RNF13: variants seen among roughly 807,000 people sequenced by gnomAD.
RNF13 encodes ring finger protein 13.
RNF13 carries 19 observed loss-of-function variants against 37.7 expected under a neutral mutation model. The ratio of observed to expected loss-of-function variants is 0.50; its 90% CI spans 0.35 to 0.74. The LOEUF is 0.74. RNF13 is among the 30% of genes least tolerant of loss of function. The pLI, the probability that RNF13 is intolerant of heterozygous loss-of-function variation, is 0.01. For missense variants in RNF13, 375 were observed against 453.0 expected, an observed-to-expected ratio of 0.83 and a Z score of 1.56; for synonymous variants, 144 against 157.8, an observed-to-expected ratio of 0.91 and a Z score of 0.65.
chr3:149,944,297 T>C (rs1198620383), intron 8 of RNF13, among the ~76,000 whole-genome samples: 2 of 152,252 alleles, frequency 1.3e-5, no homozygotes, highest in African/African-American at 4.8e-5. Context: ...TGTGTCTTTA[T>C]AGCAGCATTA....
chr3:149,895,445 A>AT (rs3856613), intron 4 of RNF13, 28 bp from the exon 5 acceptor site: 93 of 1,102,938 alleles, frequency 8.4e-5, no homozygotes, highest in African/African-American at 1.4e-4. Context: ...TTATAACATA[A>AT]TTTTTTTTTT....
At position 149,872,073 on chromosome 3, in the gene RNF13, A is replaced by G; in HGVS notation, c.240A>G (p.Ile80Met). 1 of 1,607,844 alleles carries G rather than the reference A, an allele frequency of 6.2e-7. No individual in the cohort carries two copies. Among genetic ancestry groups the G allele is most frequent in the African/African-American group, 1.3e-5 (1 of 74,812 alleles). Residue 80 changes from isoleucine to methionine, a missense_variant, in exon 4 of 10, where the codon ATA becomes ATG. Transcript: ENST00000392894. ...AACCAGAGAATGCCTGTGAACCCATAGTGCCTCCACCAGTAAAAGACAATT... is the reference window on the plus strand; with the variant it reads ...AACCAGAGAATGCCTGTGAACCCATGGTGCCTCCACCAGTAAAAGACAATT... The part of the protein sequence containing the change: ...NSKPENACEP[I>M]VPPPVKDNSS...
intron 8 of RNF13, among the ~76,000 whole-genome samples, chr3:149,948,292 T>C (rs1007026292): frequency 6.6e-6 from 1 of 152,200 alleles, no homozygotes; most frequent in Non-Finnish European, 1.5e-5. Flanking sequence ...GTAAGCACTT[T>C]ATTGTTGGAT....
intron 7 of RNF13, among the ~76,000 whole-genome samples, chr3:149,915,657 T>C (rs944531399): frequency 2.0e-5 from 3 of 152,192 alleles, no homozygotes; most frequent in African/African-American, 7.2e-5. Context: ...AATGGAATAT[T>C]ATTCAGTGTT....
At chr3:149,877,472 C>CTTTTTTTTTTTTTTTTTTTTTTGT (rs369676407) in intron 4 of RNF13, among the ~76,000 whole-genome samples, 4 of 101,484 alleles carry the variant, frequency 3.9e-5, no homozygotes, top group Non-Finnish European at 4.1e-5. Context: ...TTCTTTCTGT[C>CTTTTTTTTTTTTTTTTTTTTTTGT]TTTTTTTTTT....
chr3:149,820,254 G>T (rs1719890154), intron 1 of RNF13, among the ~76,000 whole-genome samples: 1 of 150,498 alleles, frequency 6.6e-6, no homozygotes, highest in Non-Finnish European at 1.5e-5. Context: ...GTCTTTTTCT[G>T]TCACCTGGTA....
At chr3:149,843,223 A>G (rs904689374) in intron 1 of RNF13, among the ~76,000 whole-genome samples, 2 of 152,198 alleles carry the variant, frequency 1.3e-5, no homozygotes, top group African/African-American at 4.8e-5. Flanking sequence ...TTGGGTGGAC[A>G]TGTGTAGATT....
chr3:149,940,575 T>C (rs1366923630), intron 8 of RNF13, among the ~76,000 whole-genome samples: 1 of 152,174 alleles, frequency 6.6e-6, no homozygotes, highest in Non-Finnish European at 1.5e-5. Context: ...TTCTTCTCTT[T>C]AAAGAACTTA....
intron 6 of RNF13, among the ~76,000 whole-genome samples, chr3:149,903,257 A>G (rs1241605135): frequency 6.6e-6 from 1 of 152,044 alleles, no homozygotes; most frequent in African/African-American, 2.4e-5. Context: ...TTGCTTGGTT[A>G]AAAGAGAGGA....
intron 8 of RNF13, among the ~76,000 whole-genome samples, chr3:149,928,557 T>G (rs1718873291): frequency 6.6e-6 from 1 of 152,310 alleles, no homozygotes; most frequent in Non-Finnish European, 1.5e-5. Flanking sequence ...TCCCACACTA[T>G]TTTGATTACT....
At chr3:149,916,748 T>G in intron 7 of RNF13, among the ~76,000 whole-genome samples, 1 of 152,100 alleles carries the variant, frequency 6.6e-6, no homozygotes, top group Admixed American at 6.6e-5. Context: ...AATAACCTTA[T>G]ACAGATAAAA....
chr3:149,889,653 A>ATTT (rs945001092), intron 4 of RNF13, among the ~76,000 whole-genome samples: 2 of 126,260 alleles, frequency 1.6e-5, no homozygotes, highest in African/African-American at 5.9e-5. Flanking sequence ...AAATCTGACA[A>ATTT]TTTTTTTTTT....
chr3:149,909,938 A>T (rs543614154), intron 6 of RNF13, among the ~76,000 whole-genome samples: 1 of 115,108 alleles, frequency 8.7e-6, no homozygotes, highest in South Asian at 3.0e-4. Context: ...GAAGTCATAA[A>T]CATAAAAAGA....
intron 8 of RNF13, among the ~76,000 whole-genome samples, chr3:149,921,463 C>T (rs952392826): frequency 3.9e-5 from 6 of 152,128 alleles, no homozygotes; most frequent in Admixed American, 2.0e-4. Flanking sequence ...CCCTCCACCC[C>T]CCAACAGGCC....
chr3:149,857,327 C>T (rs1450746845), intron 3 of RNF13, among the ~76,000 whole-genome samples: 2 of 152,042 alleles, frequency 1.3e-5, no homozygotes, highest in African/African-American at 4.8e-5. Flanking sequence ...AATGAGAAAG[C>T]CAAGGAATTT....
In RNF13 at chr3:149,824,812, C is replaced by CTT. The variant is rs528414164; in HGVS notation, c.-17+11472_-17+11473dup. 5.7e-5 allele frequency among the ~76,000 whole-genome samples: 8 copies of CTT among 139,142 alleles called. 1 individual carries two copies. Among genetic ancestry groups the CTT allele is most frequent in the Admixed American group, 1.4e-4 (2 of 13,824 alleles). 91.3% of individuals were successfully genotyped at this position (139,142 alleles called of 152,430 possible). A position where few individuals can be genotyped will look rare whatever the true frequency, so the allele number is the denominator to read the frequency against. On this transcript the variant is annotated intron_variant, in intron 1 of 9. Coordinates refer to ENST00000392894, the MANE Select transcript of RNF13 (RefSeq NM_183381.3). ...AAAGAACTAGGTCAGAGGTCATCCT[C>CTT]TTTTTTTTTTTTTTAATTTAACTTA...
chr3:149,815,525 A>C (rs964875041), intron 1 of RNF13, among the ~76,000 whole-genome samples: 3 of 152,264 alleles, frequency 2.0e-5, no homozygotes, highest in African/African-American at 4.8e-5. Flanking sequence ...TTCACATGAC[A>C]TAAAAAGGGG....
intron 8 of RNF13, among the ~76,000 whole-genome samples, chr3:149,953,704 G>C (rs1368889741): frequency 6.6e-6 from 1 of 152,160 alleles, no homozygotes; most frequent in African/African-American, 2.4e-5. Flanking sequence ...ACAGACCTGG[G>C]CTGGAATTCT....
intron 3 of RNF13, among the ~76,000 whole-genome samples, chr3:149,861,754 A>G (rs1007159138): frequency 7.9e-5 from 12 of 152,168 alleles, no homozygotes; most frequent in African/African-American, 2.9e-4. Flanking sequence ...ATAATGTATT[A>G]AGTATATTTT....
Sources: gnomAD v4.1 joint callset for allele counts (sites outside exome capture counted in the v4.1 genomes callset) on GRCh38, gnomAD v4.1.1 for gene constraint, MANE v1.5 for transcripts, NCBI Gene and HGNC (gene_info 2026-07-23, HGNC 2026-07-21) for gene names.